The following IKZF5 variants were observed in gnomAD, a reference collection of about 807,000 sequenced individuals.
The protein encoded by IKZF5 is IKAROS family zinc finger 5.
Under a neutral mutation model 30.7 loss-of-function variants are expected in IKZF5, and 4 were observed. The observed-to-expected ratio is 0.13, with a 90% confidence interval of 0.06 to 0.30. IKZF5 has a LOEUF of 0.30. Among genes scored for constraint, IKZF5 ranks in the 10% least tolerant of loss-of-function variants. The probability of loss-of-function intolerance (pLI) is 1.00; values close to 1 mark genes in which losing one functional copy is unlikely to be tolerated. For missense variants in IKZF5, 348 were observed against 525.5 expected (o/e 0.66, Z 3.30); for synonymous variants, 148 against 179.6 (o/e 0.82, Z 1.41).
chr10:123,003,414 T>C (rs1849668619), intron 2 of IKZF5, among the ~76,000 whole-genome samples: 1 of 152,036 alleles, frequency 6.6e-6, no homozygotes, highest in African/African-American at 2.4e-5. Flanking sequence ...CACCCGCAAA[T>C]TTTGCTATCT....
In IKZF5 at chr10:123,005,882, G is replaced by A. The variant is rs75502367; in HGVS notation, c.-47+1144C>T. On this transcript the variant is annotated intron_variant, in intron 2 of 4. Transcript: ENST00000368886. The stretch of plus-strand genomic sequence containing the variant: ...TAAACCACTCAGTCTATGGTAATTC[G>A]TTACAGCAACCTGAACTAAGATATC... Among the ~76,000 whole-genome samples the A allele has an allele frequency of 7.7e-3, 1,171 of 152,258 alleles. 7 individuals carry two copies. Among genetic ancestry groups the A allele is most frequent in the Middle Eastern group, 0.014 (4 of 294 alleles).
intron 2 of IKZF5, among the ~76,000 whole-genome samples, chr10:122,999,883 C>T (rs894589234): frequency 6.6e-6 from 1 of 152,150 alleles, no homozygotes; most frequent in Non-Finnish European, 1.5e-5. Flanking sequence ...TAAAAAAGGT[C>T]TTTTCTTCCA....
rs1038101786 is a variant in IKZF5, at chr10:122,994,884, C to G, written c.317-161G>C. The G allele has an allele frequency of 8.1e-6, 5 of 614,046 alleles. No individual in the cohort carries two copies. In the African/African-American group the frequency reaches 9.3e-5, roughly 11 times the overall value. The allele number at this position is 614,046 out of a possible 1,614,324, so 38.0% of individuals were successfully genotyped here. ...GAGATTGTTAAAATTTGTAAATAAA[C>G]CCACAAATTGAAATAAAGCTTAAGA... On this transcript the variant is annotated intron_variant, in intron 4 of 4. Transcript: ENST00000368886. This position sits in a 1 kb window ranked among gnomAD's most constrained non-coding sequence, Gnocchi z 5.6.
intron 2 of IKZF5, among the ~76,000 whole-genome samples, chr10:122,999,796 G>C (rs1849517499): frequency 6.6e-6 from 1 of 152,162 alleles, no homozygotes; most frequent in Non-Finnish European, 1.5e-5. Context: ...CTTCACATAG[G>C]TTTATGGCCC....
chr10:123,000,189 C>T (rs1849530512), intron 2 of IKZF5, among the ~76,000 whole-genome samples: 1 of 152,156 alleles, frequency 6.6e-6, no homozygotes, highest in Non-Finnish European at 1.5e-5. Context: ...AGAAGGATGC[C>T]GGCATCCCAG....
rs75871484 is a variant in IKZF5 at position 122,995,822 on chromosome 10, G to A, written c.316+172C>T. 6.6e-3 allele frequency among the ~76,000 whole-genome samples: 999 copies of A among 152,300 alleles called. 9 individuals carry two copies. Among genetic ancestry groups the A allele is most frequent in the African/African-American group, 0.023 (942 of 41,564 alleles). On this transcript the variant is annotated intron_variant, in intron 4 of 4. Transcript: ENST00000368886. The stretch of plus-strand genomic sequence containing the variant: ...AAAGGGCATCACTTCTGACCTGTTT[G>A]TATGTTGTTATGTTGTTGCTTTGAA...
At position 122,994,307 on chromosome 10, in the gene IKZF5, C is replaced by T. The variant is rs1849279051; in HGVS notation, c.733G>A (p.Glu245Lys). 2 of 1,613,898 alleles carry T rather than the reference C, an allele frequency of 1.2e-6. No individual in the cohort carries two copies. Among genetic ancestry groups the T allele is most frequent in the South Asian group, 2.2e-5 (2 of 91,046 alleles). The stretch of plus-strand genomic sequence containing the variant: ...TTCAAAGGGTTATCAACCATGAGTT[C>T]TTGGGGGTCCCTTGGAAGGCCACCA... ...PTGGLPRDPQ[E>K]LMVDNPLNQL... Residue 245 changes from glutamate (E) to lysine (K), a missense_variant, in exon 5 of 5, where the codon GAA becomes AAA. Physicochemically the swap from Glu to Lys is moderately conservative, Grantham distance 56. Around this residue, in one of 4 missense-constraint regions of IKZF5, gnomAD observed 176 missense variants for 198.2 expected, o/e 0.89. Transcript: ENST00000368886. This position sits in a 1 kb window ranked among gnomAD's most constrained non-coding sequence, Gnocchi z 5.6.
At position 122,991,451 on chromosome 10, in the gene IKZF5, T is replaced by C. The variant is rs1453646409; in HGVS notation, c.*2329A>G. 2 of 152,186 alleles carry C rather than the reference T, an allele frequency of 1.3e-5. No homozygotes were observed. Among genetic ancestry groups the C allele is most frequent in the East Asian group, 3.8e-4 (2 of 5,204 alleles). 9.4% of individuals were successfully genotyped at this position (152,186 alleles called of 1,614,324 possible). ...CCTGTTAACGGCAAAGTACTATAAA[T>C]AGTGCATGTTAAACTCTTCCCAACA... On this transcript the variant is annotated 3_prime_UTR_variant, in exon 5 of 5. Coordinates refer to ENST00000368886, the MANE Select transcript of IKZF5 (RefSeq NM_001372123.1).
Position 122,994,884 on chromosome 10 carries a change from C to T in IKZF5, c.317-161G>A. 1 of 614,164 alleles carries T rather than the reference C, an allele frequency of 1.6e-6. No homozygotes were observed. 38.0% of individuals were successfully genotyped at this position (614,164 alleles called of 1,614,324 possible). On this transcript the variant is annotated intron_variant, in intron 4 of 4. Coordinates refer to ENST00000368886, the MANE Select transcript of IKZF5 (RefSeq NM_001372123.1). This position sits in a 1 kb window ranked among gnomAD's most constrained non-coding sequence, Gnocchi z 5.6. ...GAGATTGTTAAAATTTGTAAATAAA[C>T]CCACAAATTGAAATAAAGCTTAAGA...
intron 2 of IKZF5, among the ~76,000 whole-genome samples, chr10:123,004,740 TA>T (rs781705657): frequency 3.3e-5 from 5 of 152,158 alleles, no homozygotes; most frequent in Non-Finnish European, 7.3e-5. Flanking sequence ...TTTATAACCT[TA>T]AACATCCTGT....
intron 3 of IKZF5, chr10:122,997,338 G>A (rs1849412183): frequency 6.6e-6 from 1 of 152,272 alleles, no homozygotes; most frequent in Non-Finnish European, 1.5e-5. Flanking sequence ...CTCCTCACTA[G>A]GAGAAGTGAT....
chr10:123,000,531 T>C (rs1849544939), intron 2 of IKZF5, among the ~76,000 whole-genome samples: 1 of 152,252 alleles, frequency 6.6e-6, no homozygotes, highest in Non-Finnish European at 1.5e-5. Flanking sequence ...TCTATGAACA[T>C]ATTACTACAC....
chr10:123,008,562 C>T (rs1015673997), intron 1 of IKZF5, 132 bp downstream of exon 1: 1 of 231,864 alleles, frequency 4.3e-6, no homozygotes, highest in Non-Finnish European at 8.9e-6. Flanking sequence ...CCACGCCCGA[C>T]CCTCCACTGA....
intron 2 of IKZF5, among the ~76,000 whole-genome samples, chr10:123,003,039 T>G (rs899921767): frequency 6.6e-6 from 1 of 151,598 alleles, no homozygotes; most frequent in Admixed American, 6.6e-5. Context: ...CTTTTCTTTT[T>G]TTTTTTTTGA....
At chr10:123,005,787 T>C in intron 2 of IKZF5, among the ~76,000 whole-genome samples, 1 of 152,222 alleles carries the variant, frequency 6.6e-6, no homozygotes, top group Non-Finnish European at 1.5e-5. Flanking sequence ...CCTCCCCAGA[T>C]ACCTGATCTG....
intron 2 of IKZF5, among the ~76,000 whole-genome samples, chr10:123,000,592 T>C (rs1266587731): frequency 6.6e-6 from 1 of 152,256 alleles, no homozygotes; most frequent in Non-Finnish European, 1.5e-5. Context: ...GTGAAACTGC[T>C]GGATCAAAGG....
At chr10:123,000,861 G>A (rs1170507738) in intron 2 of IKZF5, among the ~76,000 whole-genome samples, 1 of 152,112 alleles carries the variant, frequency 6.6e-6, no homozygotes, top group East Asian at 1.9e-4. Context: ...ACCCTCTGTT[G>A]TATAATGTCT....
chr10:122,994,109 T>G lies in IKZF5; in HGVS notation c.931A>C (p.Thr311Pro). The G allele has an allele frequency of 1.9e-6, 3 of 1,614,094 alleles. No individual in the cohort carries two copies. Among genetic ancestry groups the G allele is most frequent in the South Asian group, 2.2e-5 (2 of 91,070 alleles). The change falls in exon 5 of 5, where the codon ACA becomes CCA. Residue 311 changes from threonine (T) to proline (P), a missense_variant. Around this residue, in one of 4 missense-constraint regions of IKZF5, gnomAD observed 176 missense variants for 198.2 expected, o/e 0.89. Coordinates refer to ENST00000368886, the MANE Select transcript of IKZF5 (RefSeq NM_001372123.1). The surrounding 1 kb of genome is among the most constrained non-coding windows in gnomAD (Gnocchi z 5.6). Reference sequence around the variant, plus strand: ...TGGGATGGCCGAGGTTCTGGGCTTGTGGGAGAGGAGCTCTGAGGAATACTT... The same window carrying G: ...TGGGATGGCCGAGGTTCTGGGCTTGGGGGAGAGGAGCTCTGAGGAATACTT... ...SASIPQSSSP[T>P]SPEPRPSHSQ...
At position 123,007,245 on chromosome 10, in the gene IKZF5, G is replaced by T. The variant is rs192963304; in HGVS notation, c.-197-69C>A. 1.3e-4 allele frequency: 20 copies of T among 152,314 alleles called. No homozygotes were observed. In the East Asian group the frequency reaches 3.9e-3, roughly 29 times the overall value. The allele number at this position is 152,314 out of a possible 1,614,324, so 9.4% of individuals were successfully genotyped here. On this transcript the variant is annotated intron_variant, in intron 1 of 4. Coordinates refer to ENST00000368886, the MANE Select transcript of IKZF5 (RefSeq NM_001372123.1). Reference sequence around the variant, plus strand: ...GATAAAAACTTAATTAGCATCTACAGGTTGAATGAGCTAGTAACTTATGCC... The same window carrying T: ...GATAAAAACTTAATTAGCATCTACATGTTGAATGAGCTAGTAACTTATGCC...
Sources: gnomAD v4.1 joint callset for allele counts (sites outside exome capture counted in the v4.1 genomes callset) on GRCh38, gnomAD v4.1.1 for gene constraint, gnomAD v4.1.1 regional missense constraint, Gnocchi (gnomAD v3.1) non-coding constraint, MANE v1.5 for transcripts, NCBI Gene and HGNC (gene_info 2026-07-23, HGNC 2026-07-21) for gene names.